Variants in SLC25A21 observed in about 807,000 individuals in gnomAD.
The protein encoded by SLC25A21 is solute carrier family 25 member 21, also known as mitochondrial 2-oxodicarboxylate carrier.
A neutral mutation model predicts 43.8 loss-of-function variants in SLC25A21; 47 were observed. The observed-to-expected ratio is 1.07, with a 90% CI of 0.85 to 1.37. SLC25A21 has a LOEUF of 1.37. SLC25A21 is among the 40% of genes most tolerant of loss of function. The pLI is 0.00. For missense variants in SLC25A21, 352 were observed against 350.2 expected (o/e 1.00, Z -0.04); for synonymous variants, 131 against 121.3 (o/e 1.08, Z -0.52).
chr14:37,105,441 T>C (rs564815241), intron 1 of SLC25A21, among the ~76,000 whole-genome samples: 1 of 152,226 alleles, frequency 6.6e-6, no homozygotes, highest in South Asian at 2.1e-4. Flanking sequence ...AACAGAAGCC[T>C]AAGGTATCCC....
chr14:36,832,938 G>C (rs1256005708), intron 2 of SLC25A21, among the ~76,000 whole-genome samples: 3 of 152,044 alleles, frequency 2.0e-5, no homozygotes, highest in Admixed American at 6.5e-5. Context: ...AATTCTCATT[G>C]TTTATCAGCA....
At chr14:36,809,608 G>C (rs1652275) in intron 3 of SLC25A21, among the ~76,000 whole-genome samples, 62,528 of 151,948 alleles carry the variant, frequency 0.41, 13,312 homozygotes, top group East Asian at 0.69. Context: ...GAGCAGAGAG[G>C]TGAGGAATTG....
intron 1 of SLC25A21, among the ~76,000 whole-genome samples, chr14:37,157,456 T>C (rs974491559): frequency 3.9e-5 from 6 of 152,150 alleles, no homozygotes; most frequent in Non-Finnish European, 8.8e-5. Context: ...AAACTATTCA[T>C]ATACATGGAA....
intron 1 of SLC25A21, among the ~76,000 whole-genome samples, chr14:36,995,069 C>T (rs1960342248): frequency 6.6e-6 from 1 of 152,152 alleles, no homozygotes; most frequent in African/African-American, 2.4e-5. Flanking sequence ...GATCCCCTTT[C>T]ACGTCTGGCC....
At chr14:36,711,607 C>T (rs1883876083) in intron 6 of SLC25A21, 125 bp from the exon 7 acceptor site, 2 of 1,076,090 alleles carry the variant, frequency 1.9e-6, no homozygotes, top group East Asian at 5.3e-5. Flanking sequence ...TATGAATAAT[C>T]ATGCCTAGAA....
intron 1 of SLC25A21, among the ~76,000 whole-genome samples, chr14:37,060,712 C>G (rs6571775): frequency 0.48 from 73,348 of 151,932 alleles, 20,642 homozygotes; most frequent in African/African-American, 0.79. Flanking sequence ...CCTCGGAAGA[C>G]AGGCTCCAAG....
At chr14:36,738,670 T>C (rs1471513424) in intron 3 of SLC25A21, among the ~76,000 whole-genome samples, 1 of 152,230 alleles carries the variant, frequency 6.6e-6, no homozygotes, top group Non-Finnish European at 1.5e-5. Flanking sequence ...TGAGAGCTAC[T>C]ACAACACCTC....
intron 2 of SLC25A21, among the ~76,000 whole-genome samples, chr14:36,861,628 A>G (rs1431646487): frequency 6.6e-6 from 1 of 152,236 alleles, no homozygotes; most frequent in Non-Finnish European, 1.5e-5. Flanking sequence ...TAAGGAGCAA[A>G]CACTCTGGAT....
intron 2 of SLC25A21, among the ~76,000 whole-genome samples, chr14:36,839,769 C>T (rs2138495929): frequency 6.6e-6 from 1 of 152,318 alleles, no homozygotes; most frequent in Non-Finnish European, 1.5e-5. Context: ...GTAGAGCCTA[C>T]TGCACATCTA....
rs146383544 is a variant in SLC25A21 at position 36,689,166 on chromosome 14, C to T, written c.604-4241G>A. Among the ~76,000 whole-genome samples, 374 of 152,300 alleles carry T rather than the reference C, an allele frequency of 2.5e-3. 3 individuals are homozygous for T. Among genetic ancestry groups the T allele is most frequent in the Non-Finnish European group, 4.3e-3 (291 of 68,024 alleles). ...GCAAGGAAGAGCAAGTCACATCTTA[C>T]GTGGATGGCAGCAGGCCAAAAAAAG... On this transcript the variant is annotated intron_variant, in intron 7 of 9. Coordinates refer to ENST00000331299, the MANE Select transcript of SLC25A21 (RefSeq NM_030631.4).
chr14:37,140,827 G>A (rs887925585), intron 1 of SLC25A21, among the ~76,000 whole-genome samples: 3 of 145,048 alleles, frequency 2.1e-5, no homozygotes, highest in Non-Finnish European at 4.7e-5. Context: ...TAAGTCTGGT[G>A]GTACCATTTT....
intron 1 of SLC25A21, among the ~76,000 whole-genome samples, chr14:37,073,253 T>C (rs1191487037): frequency 1.3e-5 from 2 of 152,252 alleles, no homozygotes; most frequent in Non-Finnish European, 2.9e-5. Context: ...GAATAACTCT[T>C]AGCTTTTAAT....
At chr14:36,938,023 T>A (rs1892467274) in intron 1 of SLC25A21, among the ~76,000 whole-genome samples, 1 of 152,156 alleles carries the variant, frequency 6.6e-6, no homozygotes, top group Non-Finnish European at 1.5e-5. Flanking sequence ...AAATTTTTTT[T>A]AATGGCAACT....
At chr14:36,780,009 A>T (rs534961286) in intron 3 of SLC25A21, among the ~76,000 whole-genome samples, 61 of 151,788 alleles carry the variant, frequency 4.0e-4, no homozygotes, top group African/African-American at 1.5e-3. Context: ...CAGTCTCCTT[A>T]ATTTGATCGT....
At position 36,899,653 on chromosome 14, in the gene SLC25A21, C is replaced by T. The variant is rs575129261; in HGVS notation, c.71-24649G>A. The stretch of plus-strand genomic sequence containing the variant: ...TGAGTCCAAGTATGTGAGATTTAAA[C>T]TCACTGTGGAAGATACAGTTCAAGT... On this transcript the variant is annotated intron_variant, in intron 1 of 9. Transcript: ENST00000331299. 7.9e-5 allele frequency among the ~76,000 whole-genome samples: 12 copies of T among 152,302 alleles called. No individual in the cohort carries two copies. In the South Asian group the frequency reaches 2.1e-3, roughly 26 times the overall value.
At chr14:37,083,179 A>G (rs911664339) in intron 1 of SLC25A21, among the ~76,000 whole-genome samples, 1 of 152,218 alleles carries the variant, frequency 6.6e-6, no homozygotes, top group Non-Finnish European at 1.5e-5. Context: ...AGAATCAATT[A>G]TTTCTATCCA....
chr14:36,766,164 T>A (rs1886408833), intron 3 of SLC25A21, among the ~76,000 whole-genome samples: 1 of 152,088 alleles, frequency 6.6e-6, no homozygotes, highest in Non-Finnish European at 1.5e-5. Context: ...TACACCAGAG[T>A]TTTTCTTATT....
At chr14:37,024,844 T>C (rs1315585015) in intron 1 of SLC25A21, among the ~76,000 whole-genome samples, 1 of 152,060 alleles carries the variant, frequency 6.6e-6, no homozygotes, top group African/African-American at 2.4e-5. Context: ...TATATCTAGC[T>C]TCAGAAATGG....
At position 36,922,154 on chromosome 14, in the gene SLC25A21, T is replaced by A. The variant is rs201114519; in HGVS notation, c.71-47150A>T. Among the ~76,000 whole-genome samples, 37 of 131,874 alleles carry A rather than the reference T, an allele frequency of 2.8e-4. No homozygotes were observed. The East Asian group carries it at 6.5e-3, about 23-fold the overall frequency. 86.5% of individuals were successfully genotyped at this position (131,874 alleles called of 152,430 possible). ...ATTCTGCCTAAAAAAAAAAAAAAAA[T>A]TGTAGTATAGAAACTAAGAATTCTG... is the stretch of plus-strand genomic sequence containing the variant. On this transcript the variant is annotated intron_variant, in intron 1 of 9. Transcript: ENST00000331299.
Sources: allele counts gnomAD v4.1 joint callset (sites outside exome capture counted in the v4.1 genomes callset), GRCh38; gene constraint gnomAD v4.1.1; transcripts MANE v1.5; gene names NCBI Gene and HGNC (gene_info 2026-07-23, HGNC 2026-07-21).